Variants in CEP162 observed in about 807,000 individuals in gnomAD.
CEP162 encodes centrosomal protein 162.
Under a neutral mutation model 169.2 loss-of-function variants are expected in CEP162, and 141 were observed. That is an observed-to-expected ratio of 0.83 (90% CI 0.73 to 0.96). The LOEUF (loss-of-function observed/expected upper bound fraction) is 0.96. Ranked by LOEUF, CEP162 falls within the 40% of genes least tolerant of loss-of-function variation. The pLI is 0.00. For missense variants in CEP162, 1,600 were observed against 1,587.2 expected, an observed-to-expected ratio of 1.01 and a Z score of -0.14; for synonymous variants, 540 against 526.4, an observed-to-expected ratio of 1.03 and a Z score of -0.35.
chr6:84,152,526 A>G lies in CEP162; in HGVS notation c.3629+19T>C. The G allele has an allele frequency of 4.0e-6, 5 of 1,242,394 alleles. No individual in the cohort carries two copies. The highest frequency in any genetic ancestry group is 2.8e-4 in the Middle Eastern group (1 of 3,634). The allele number at this position is 1,242,394 out of a possible 1,614,324, so 77.0% of individuals were successfully genotyped here. ...TCTTTTTATTTTTACAAATATTTAT[A>G]AATAATTTAACATTTTACCTTCTCA... On this transcript the variant is annotated intron_variant, in intron 23 of 26. Transcript: ENST00000403245.
In CEP162 at chr6:84,155,369, C is replaced by T. The variant is rs2099522770; in HGVS notation, c.2923G>A (p.Asp975Asn). The T allele has an allele frequency of 6.2e-7, 1 of 1,613,582 alleles. No homozygotes were observed. Among genetic ancestry groups the T allele is most frequent in the East Asian group, 2.2e-5 (1 of 44,860 alleles). Residue 975 changes from aspartate to asparagine, a missense_variant, in exon 22 of 27, where the codon GAT (aspartate) becomes AAT (asparagine). Physicochemically the swap from Asp to Asn is conservative, Grantham distance 23 (BLOSUM62 1). Transcript: ENST00000403245. Reference protein sequence around the residue: ...MEKRIKKLEADLEGKDEDAKK... With the variant: ...MEKRIKKLEANLEGKDEDAKK... ...GCATCTTCATCTTTGCCCTCCAGAT[C>T]AGCTTCTAGCTTTTTTATCCTTTTC...
intron 17 of CEP162, among the ~76,000 whole-genome samples, chr6:84,171,209 C>G (rs1448446373): frequency 1.3e-5 from 2 of 152,182 alleles, no homozygotes; most frequent in Non-Finnish European, 2.9e-5. Context: ...TCTATGGAAC[C>G]TGACCCAAGA....
intron 9 of CEP162, among the ~76,000 whole-genome samples, chr6:84,196,969 A>C (rs1479992376): frequency 6.6e-6 from 1 of 152,224 alleles, no homozygotes; most frequent in Admixed American, 6.5e-5. Context: ...ATGAGGAAAA[A>C]GGTCTTGCTT....
At position 84,151,190 on chromosome 6, in the gene CEP162, G is replaced by A. The variant is rs534798553; in HGVS notation, c.3629+1355C>T. On this transcript the variant is annotated intron_variant, in intron 23 of 26. Coordinates refer to ENST00000403245, the MANE Select transcript of CEP162 (RefSeq NM_014895.4). ...GAGAAATTTAGTCTTGATATTTAAG[G>A]AAGTTGAGAGTCACCGGAGAGCAGA... 2.5e-4 allele frequency among the ~76,000 whole-genome samples: 38 copies of A among 152,152 alleles called. No individual in the cohort carries two copies. The South Asian group carries it at 7.7e-3, about 31-fold the overall frequency.
At chr6:84,135,036 T>C (rs145933775) in intron 25 of CEP162, among the ~76,000 whole-genome samples, 3 of 152,218 alleles carry the variant, frequency 2.0e-5, no homozygotes, top group African/African-American at 7.2e-5. Context: ...TATTTGCATA[T>C]GTACACACAT....
At chr6:84,203,589 C>T (rs2099545520) in intron 7 of CEP162, among the ~76,000 whole-genome samples, 1 of 152,072 alleles carries the variant, frequency 6.6e-6, no homozygotes, top group African/African-American at 2.4e-5. Flanking sequence ...GGACTACAGG[C>T]ATGTGCCACC....
chr6:84,152,315 A>G (rs1487796742), intron 23 of CEP162, among the ~76,000 whole-genome samples: 2 of 152,186 alleles, frequency 1.3e-5, no homozygotes, highest in East Asian at 3.9e-4. Context: ...GCCCAAGGAC[A>G]CAATTTGGGT....
rs115203648 is a variant in CEP162, at chr6:84,152,981, C to T, written c.3193G>A (p.Asp1065Asn). The T allele has an allele frequency of 1.8e-4, 295 of 1,613,620 alleles. No individual in the cohort carries two copies. In the African/African-American group the frequency reaches 3.6e-3, roughly 20 times the overall value. The change falls in exon 23 of 27, where the codon GAT becomes AAT. Residue 1065 changes from aspartate to asparagine, a missense_variant. By Grantham distance (23) the Asp-to-Asn change is conservative. Transcript: ENST00000403245. Reference sequence around the variant, plus strand: ...GACTGAAAATCTTCATCATCTTTATCATTTTTCTTGACGTCTAATTCAGCA... The same window carrying T: ...GACTGAAAATCTTCATCATCTTTATTATTTTTCTTGACGTCTAATTCAGCA... ...QNAELDVKKN[D>N]KDDEDFQSIE...
rs1256899430 is a variant in CEP162, at chr6:84,160,835, T to C, written c.2758A>G (p.Lys920Glu). Residue 920 changes from lysine to glutamate, a missense_variant, in exon 21 of 27, where the codon AAA (lysine) becomes GAA (glutamate). Physicochemically the swap from Lys to Glu is moderately conservative, Grantham distance 56. Transcript: ENST00000403245. ...RLKDKAADAK[K>E]IQDLERQVKE... ...ACTTGTCGCTCCAGATCCTGAATTT[T>C]TTTGGCATCTGCTGCTTTATCTTTT... 6.2e-7 allele frequency: 1 copy of C among 1,611,248 alleles called. No individual in the cohort carries two copies. The highest frequency in any genetic ancestry group is 1.7e-5 in the Admixed American group (1 of 59,990).
intron 2 of CEP162, among the ~76,000 whole-genome samples, chr6:84,224,642 T>A (rs996719686): frequency 2.0e-5 from 3 of 151,970 alleles, no homozygotes; most frequent in African/African-American, 7.3e-5. Context: ...CAATAATTTA[T>A]CAAAGTGAGA....
intron 25 of CEP162, among the ~76,000 whole-genome samples, chr6:84,135,757 G>A (rs2099513792): frequency 6.6e-6 from 1 of 152,112 alleles, no homozygotes; most frequent in Admixed American, 6.5e-5. Flanking sequence ...CAGCTACTCA[G>A]GAAGCTGAGA....
chr6:84,206,510 T>TAGCCA (rs1233075670), intron 6 of CEP162, among the ~76,000 whole-genome samples: 6 of 152,224 alleles, frequency 3.9e-5, no homozygotes, highest in Non-Finnish European at 8.8e-5. Flanking sequence ...GAAAACTGCC[T>TAGCCA]AGCCATATGT....
chr6:84,178,792 A>C (rs1406300680), intron 13 of CEP162, among the ~76,000 whole-genome samples: 1 of 152,062 alleles, frequency 6.6e-6, no homozygotes, highest in African/African-American at 2.4e-5. Context: ...TATATCTCCT[A>C]ATGCTATACC....
intron 25 of CEP162, among the ~76,000 whole-genome samples, chr6:84,128,540 G>A (rs561949599): frequency 1.1e-4 from 17 of 151,936 alleles, no homozygotes; most frequent in African/African-American, 4.1e-4. Flanking sequence ...TATGGTGGTC[G>A]GTAAGCCACC....
chr6:84,186,219 A>G, intron 12 of CEP162, 113 bp downstream of exon 12: 1 of 607,256 alleles, frequency 1.6e-6, no homozygotes, highest in South Asian at 2.2e-5. Context: ...TGTGGAGGTT[A>G]GTATATAATC....
At chr6:84,133,775 T>C (rs1215654732) in intron 25 of CEP162, among the ~76,000 whole-genome samples, 1 of 152,140 alleles carries the variant, frequency 6.6e-6, no homozygotes, top group Admixed American at 6.5e-5. Context: ...CAGCTTCCCT[T>C]GGCTAGGAAA....
At chr6:84,170,111 C>T (rs1356190746) in intron 17 of CEP162, among the ~76,000 whole-genome samples, 1 of 152,002 alleles carries the variant, frequency 6.6e-6, no homozygotes, top group Non-Finnish European at 1.5e-5. Context: ...CGGTGGCTCA[C>T]GCCTGTAATC....
intron 25 of CEP162, among the ~76,000 whole-genome samples, chr6:84,138,761 G>A (rs185457579): frequency 1.3e-5 from 2 of 152,166 alleles, no homozygotes; most frequent in Non-Finnish European, 2.9e-5. Context: ...CTTGCAAACA[G>A]GTACATATTC....
At chr6:84,163,912 C>T (rs1249759543) in intron 18 of CEP162, among the ~76,000 whole-genome samples, 1 of 151,076 alleles carries the variant, frequency 6.6e-6, no homozygotes, top group Non-Finnish European at 1.5e-5. Flanking sequence ...TCAGAGTGAA[C>T]AGGCAACCTA....
Sources: allele counts gnomAD v4.1 joint callset (sites outside exome capture counted in the v4.1 genomes callset), GRCh38; gene constraint gnomAD v4.1.1; transcripts MANE v1.5; gene names NCBI Gene and HGNC (gene_info 2026-07-23, HGNC 2026-07-21).